DAB2IP: variants seen among roughly 807,000 people sequenced by gnomAD.
The protein encoded by DAB2IP is disabled homolog 2-interacting protein.
Under a neutral mutation model 107.2 loss-of-function variants are expected in DAB2IP, and 28 were observed. That is an observed-to-expected ratio of 0.26 (90% confidence interval 0.19 to 0.36). The LOEUF is 0.36. Ranked by LOEUF, DAB2IP falls within the 10% of genes least tolerant of loss-of-function variation. DAB2IP has a pLI of 1.00. For missense variants in DAB2IP, 1,400 were observed against 1,644.7 expected, an observed-to-expected ratio of 0.85 and a Z score of 2.57; for synonymous variants, 755 against 706.4, an observed-to-expected ratio of 1.07 and a Z score of -1.09.
chr9:121,641,949 C>CTTTCTCTCTCT (rs1293278349), intron 1 of DAB2IP, among the ~76,000 whole-genome samples: 3 of 64,058 alleles, frequency 4.7e-5, no homozygotes, highest in Non-Finnish European at 7.6e-5. Context: ...CTCTTTCTTT[C>CTTTCTCTCTCT]CTTTCTTTCT....
intron 1 of DAB2IP, among the ~76,000 whole-genome samples, chr9:121,610,950 T>C (rs1000493335): frequency 1.3e-5 from 2 of 152,222 alleles, no homozygotes; most frequent in African/African-American, 4.8e-5. Context: ...GATTTCCTTT[T>C]GAGTGGAGTG....
chr9:121,657,476 A>C (rs1833015110), intron 1 of DAB2IP, among the ~76,000 whole-genome samples: 1 of 152,124 alleles, frequency 6.6e-6, no homozygotes, highest in Non-Finnish European at 1.5e-5. Flanking sequence ...TGATTACCTC[A>C]TGTCTCATCT....
intron 1 of DAB2IP, among the ~76,000 whole-genome samples, chr9:121,602,314 T>C (rs1023311893): frequency 1.3e-5 from 2 of 152,126 alleles, no homozygotes; most frequent in Admixed American, 1.3e-4. Context: ...TGGATGTACT[T>C]GCGGGCAGAC....
chr9:121,761,296 G>T (rs1175525149), intron 6 of DAB2IP, among the ~76,000 whole-genome samples: 1 of 152,270 alleles, frequency 6.6e-6, no homozygotes, highest in African/African-American at 2.4e-5. Flanking sequence ...AAAGGGGCTG[G>T]ACTTGAGGCC....
At chr9:121,705,261 T>C (rs1830001128) in intron 3 of DAB2IP, among the ~76,000 whole-genome samples, 1 of 152,202 alleles carries the variant, frequency 6.6e-6, no homozygotes, top group Non-Finnish European at 1.5e-5. Flanking sequence ...ACGTCTTTTG[T>C]ATGTGTTGCA....
At chr9:121,675,498 G>A (rs1016097421) in intron 1 of DAB2IP, among the ~76,000 whole-genome samples, 13 of 152,208 alleles carry the variant, frequency 8.5e-5, no homozygotes, top group African/African-American at 1.9e-4. Flanking sequence ...CACTTCTACC[G>A]CTTTCCCTAG....
chr9:121,592,566 T>C (rs922581599), intron 1 of DAB2IP, among the ~76,000 whole-genome samples: 4 of 152,168 alleles, frequency 2.6e-5, no homozygotes, highest in African/African-American at 7.2e-5. Context: ...TTGAAGTACA[T>C]GTTGTTCTTT....
chr9:121,770,714 G>A lies in DAB2IP; in HGVS notation c.2068G>A (p.Asp690Asn), dbSNP rs147687395. 44 of 1,613,876 alleles carry A rather than the reference G, an allele frequency of 2.7e-5. No homozygotes were observed. The South Asian group carries it at 2.9e-4, about 10-fold the overall frequency. ...GCTGCAGAAGATGGTGATTGAGAAC[G>A]ATCTTTCCGGGTAAGAGCTGCCAGC... Residue 690 changes from aspartate (D) to asparagine (N), a missense_variant, in exon 11 of 16, where the codon GAT (aspartate) becomes AAT (asparagine). This residue lies in a region of DAB2IP where 517 missense variants were observed against 748.6 expected (regional missense o/e 0.69). Coordinates refer to ENST00000408936, the Ensembl canonical transcript of DAB2IP.
At chr9:121,591,624 G>T (rs1347767441) in intron 1 of DAB2IP, among the ~76,000 whole-genome samples, 1 of 152,192 alleles carries the variant, frequency 6.6e-6, no homozygotes, top group Admixed American at 6.5e-5. Context: ...CTAATGAGGA[G>T]AACTAGTAGA....
chr9:121,617,694 C>T (rs1034169459), intron 1 of DAB2IP, among the ~76,000 whole-genome samples: 1 of 152,232 alleles, frequency 6.6e-6, no homozygotes, highest in Non-Finnish European at 1.5e-5. Context: ...ATTTTCATTC[C>T]TATTTTACAG....
chr9:121,703,156 G>A (rs946109619), intron 3 of DAB2IP, among the ~76,000 whole-genome samples: 9 of 152,240 alleles, frequency 5.9e-5, no homozygotes, highest in African/African-American at 2.2e-4. Context: ...GGGGATGGCA[G>A]CTTCCAGGGA....
chr9:121,707,459 C>T (rs1013863430), intron 3 of DAB2IP, among the ~76,000 whole-genome samples: 1 of 152,198 alleles, frequency 6.6e-6, no homozygotes, highest in Admixed American at 6.5e-5. Flanking sequence ...TGGGCAGCCC[C>T]CACGGGGGAC....
chr9:121,588,670 G>A (rs1170737045), intron 1 of DAB2IP, among the ~76,000 whole-genome samples: 1 of 136,414 alleles, frequency 7.3e-6, no homozygotes, highest in Non-Finnish European at 1.6e-5. Context: ...GACTGGGCAG[G>A]AGGAGGAACT....
chr9:121,780,712 A>G (rs1176617968), intron 14 of DAB2IP, among the ~76,000 whole-genome samples: 3 of 152,062 alleles, frequency 2.0e-5, no homozygotes, highest in African/African-American at 7.2e-5. Flanking sequence ...CCCAGCAGTG[A>G]GAGTGTCTCA....
At chr9:121,575,483 G>A (rs476951) in intron 1 of DAB2IP, 15,064 of 152,184 alleles carry the variant, frequency 0.099, 877 homozygotes, top group Middle Eastern at 0.14. Context: ...TCCTACCACC[G>A]AATGTGTTTC....
chr9:121,568,507 GA>G (rs1402513599), intron 1 of DAB2IP, among the ~76,000 whole-genome samples: 1 of 152,168 alleles, frequency 6.6e-6, no homozygotes, highest in Non-Finnish European at 1.5e-5. Context: ...AGGGAGGAGA[GA>G]GGGAAAAAAA....
rs755550843 is a variant in DAB2IP, at chr9:121,763,657, G to A, written c.1315+8G>A. On this transcript the variant is annotated splice_region_variant and intron_variant, in intron 7 of 15. Transcript: ENST00000408936. ...ACCTGCAGGACGCCCTAGGTAGGGAGTGGGCCAGCAGCAGGGCAGAGGGTG... is the reference window on the plus strand; with the variant it reads ...ACCTGCAGGACGCCCTAGGTAGGGAATGGGCCAGCAGCAGGGCAGAGGGTG... 6.2e-7 allele frequency: 1 copy of A among 1,612,770 alleles called. No homozygotes were observed. The highest frequency in any genetic ancestry group is 8.5e-7 in the Non-Finnish European group (1 of 1,179,356).
intron 1 of DAB2IP, among the ~76,000 whole-genome samples, chr9:121,597,103 G>C (rs1006390138): frequency 6.6e-6 from 1 of 152,160 alleles, no homozygotes; most frequent in Non-Finnish European, 1.5e-5. Context: ...GAAGGCCTTT[G>C]TATATTTTGG....
chr9:121,584,847 G>A (rs886306118), intron 1 of DAB2IP, among the ~76,000 whole-genome samples: 3 of 152,144 alleles, frequency 2.0e-5, no homozygotes, highest in South Asian at 2.1e-4. Context: ...AAACCATGCC[G>A]TAAATTTCCC....
Sources: gnomAD v4.1 joint callset for allele counts (sites outside exome capture counted in the v4.1 genomes callset) on GRCh38, gnomAD v4.1.1 for gene constraint, gnomAD v4.1.1 regional missense constraint, MANE v1.5 for transcripts, NCBI Gene and HGNC (gene_info 2026-07-23, HGNC 2026-07-21) for gene names.